EVX2: variants seen among roughly 807,000 people sequenced by gnomAD.
EVX2 encodes the protein homeobox even-skipped homolog protein 2.
A neutral mutation model predicts 19.2 loss-of-function variants in EVX2; 10 were observed. The observed-to-expected ratio is 0.52, with a 90% confidence interval of 0.32 to 0.89. The LOEUF (loss-of-function observed/expected upper bound fraction) is 0.89. Among genes scored for constraint, EVX2 ranks in the 40% least tolerant of loss-of-function variants. EVX2 has a pLI of 0.03. For synonymous variants in EVX2, 354 were observed against 328.4 expected (o/e 1.08, Z -0.84); for missense variants, 710 against 694.9 (o/e 1.02, Z -0.24).
At position 176,083,717 on chromosome 2, in the gene EVX2, C is replaced by T. The variant is rs61731351; in HGVS notation, c.60G>A (p.Thr20=). 6.2e-7 allele frequency: 1 copy of T among 1,613,896 alleles called. No homozygotes were observed. The highest frequency in any genetic ancestry group is 8.5e-7 in the Non-Finnish European group (1 of 1,180,004). The change falls in exon 1 of 3, where the codon ACG becomes ACA. Residue 20 remains threonine (T), a synonymous_variant. Transcript: ENST00000308618. The surrounding 1 kb of genome is among the most constrained non-coding windows in gnomAD (Gnocchi z 4.4). ...ILMERGLHSP[T]AGKRFSNLSN... ...ACAAATTGGAGAATCTCTTGCCCGC[C>T]GTAGGGCTGTGCAGCCCTCTCTCCA...
Position 176,080,822 on chromosome 2 carries a change from C to T in EVX2, c.716G>A (p.Arg239Gln), listed in dbSNP as rs984273502. The T allele has an allele frequency of 6.2e-7, 1 of 1,611,780 alleles. No individual in the cohort carries two copies. Among genetic ancestry groups the T allele is most frequent in the South Asian group, 1.1e-5 (1 of 90,918 alleles). The stretch of plus-strand genomic sequence containing the variant: ...GCGCTGCCGCTTGTCCTTCATGCGC[C>T]GGTTCTGGAACCACACCTGCGGGGA... ...ETTIKVWFQN[R>Q]RMKDKRQRLA... The change falls in exon 3 of 3, where the codon CGG (arginine) becomes CAG (glutamine). Residue 239 changes from arginine to glutamine, a missense_variant. Arg to Gln is a conservative substitution (Grantham distance 43, BLOSUM62 1). Transcript: ENST00000308618. This position sits in a 1 kb window ranked among gnomAD's most constrained non-coding sequence, Gnocchi z 7.0.
chr2:176,082,601 G>T lies in EVX2; in HGVS notation c.428-152C>A, dbSNP rs1465155950. ...ATGCTTACAAATTGCTGCCGTTAAT[G>T]GAATCAATAAAGTTTGGGGAGCCCT... On this transcript the variant is annotated intron_variant, in intron 1 of 2. Transcript: ENST00000308618. The surrounding 1 kb of genome is among the most constrained non-coding windows in gnomAD (Gnocchi z 5.2). The T allele has an allele frequency of 1.3e-6, 1 of 789,098 alleles. No homozygotes were observed. 48.9% of individuals were successfully genotyped at this position (789,098 alleles called of 1,614,324 possible).
chr2:176,080,943 C>A lies in EVX2; in HGVS notation c.700-105G>T. 1 of 1,391,106 alleles carries A rather than the reference C, an allele frequency of 7.2e-7. No individual in the cohort carries two copies. The highest frequency in any genetic ancestry group is 2.5e-5 in the East Asian group (1 of 39,982). 86.2% of individuals were successfully genotyped at this position (1,391,106 alleles called of 1,614,324 possible). On this transcript the variant is annotated intron_variant, in intron 2 of 2. Transcript: ENST00000308618. The surrounding 1 kb of genome is among the most constrained non-coding windows in gnomAD (Gnocchi z 7.0). ...CCGGACCTCTGAATGGCTTGGTCTA[C>A]TTCTCTCCGACCAAGCCCAACCCCG...
chr2:176,083,479 T>C lies in EVX2; in HGVS notation c.298A>G (p.Lys100Glu). 6.2e-7 allele frequency: 1 copy of C among 1,614,110 alleles called. No individual in the cohort carries two copies. The highest frequency in any genetic ancestry group is 1.1e-5 in the South Asian group (1 of 91,056). Residue 100 changes from lysine to glutamate, a missense_variant, in exon 1 of 3, where the codon AAG (lysine) becomes GAG (glutamate). By Grantham distance (56) the Lys-to-Glu change is moderately conservative. Coordinates refer to ENST00000308618, the MANE Select transcript of EVX2 (RefSeq NM_001080458.2). The surrounding 1 kb of genome is among the most constrained non-coding windows in gnomAD (Gnocchi z 4.4). ...GCCTCTGAATAATGGCCCGGCTTCT[T>C]GCGGCTCTCGGCGGCGGAGGAGATT... ...SEISSAAESR[K>E]KPGHYSEAAA...
Position 176,080,497 on chromosome 2 carries a change from G to C in EVX2, c.1041C>G (p.Pro347=). Residue 347 remains proline (P), a synonymous_variant, in exon 3 of 3, where the codon CCC becomes CCG. Transcript: ENST00000308618. The surrounding 1 kb of genome is among the most constrained non-coding windows in gnomAD (Gnocchi z 7.0). ...CGCTGTTGAGCCCCGCGGCGGCCGC[G>C]GGAGCCTGGTAGAGACCAGGGTGGC... ...SFRHPGLYQA[P]AAAAGLNSAA... is the part of the protein sequence containing the mutation. 7.4e-7 allele frequency: 1 copy of C among 1,357,074 alleles called. No homozygotes were observed. The highest frequency in any genetic ancestry group is 1.8e-5 in the South Asian group (1 of 55,670). The allele number at this position is 1,357,074 out of a possible 1,614,324, so 84.1% of individuals were successfully genotyped here. A position where few individuals can be genotyped will look rare whatever the true frequency, so the allele number is the denominator to read the frequency against.
chr2:176,081,274 C>A lies in EVX2; in HGVS notation c.700-436G>T, dbSNP rs948392074. On this transcript the variant is annotated intron_variant, in intron 2 of 2. Transcript: ENST00000308618. This position sits in a 1 kb window ranked among gnomAD's most constrained non-coding sequence, Gnocchi z 5.9. The stretch of plus-strand genomic sequence containing the variant: ...TTTCTGAGAGGTCGCCGCGCGAAGT[C>A]TTGAGCCCTCCGAACTGCAAGGACC... Among the ~76,000 whole-genome samples, 1 of 152,190 alleles carries A rather than the reference C, an allele frequency of 6.6e-6. No individual in the cohort carries two copies. The highest frequency in any genetic ancestry group is 2.4e-5 in the African/African-American group (1 of 41,456).
In EVX2 at chr2:176,080,127, C is replaced by T. The variant is rs770733421; in HGVS notation, c.1411G>A (p.Glu471Lys). 1.3e-6 allele frequency: 2 copies of T among 1,547,738 alleles called. No individual in the cohort carries two copies. The highest frequency in any genetic ancestry group is 1.4e-5 in the African/African-American group (1 of 70,346). Residue 471 changes from glutamate to lysine, a missense_variant, in exon 3 of 3, where the codon GAG (glutamate) becomes AAG (lysine). Physicochemically the swap from Glu to Lys is moderately conservative, Grantham distance 56. Coordinates refer to ENST00000308618, the MANE Select transcript of EVX2 (RefSeq NM_001080458.2). The surrounding 1 kb of genome is among the most constrained non-coding windows in gnomAD (Gnocchi z 7.0). ...CGTAGTTATCTGGTGAGCGGAGCCT[C>T]GTCCCTCTGGTCCGGCGGGCTCACG... is the stretch of plus-strand genomic sequence containing the variant. ...TAVSPPDQRD[E>K]APLTR
chr2:176,083,876 A>C lies in EVX2; in HGVS notation c.-100T>G. The C allele has an allele frequency of 2.8e-6, 3 of 1,084,512 alleles. No individual in the cohort carries two copies. Among genetic ancestry groups the C allele is most frequent in the Non-Finnish European group, 4.0e-6 (3 of 753,540 alleles). The allele number at this position is 1,084,512 out of a possible 1,614,324, so 67.2% of individuals were successfully genotyped here. A position where few individuals can be genotyped will look rare whatever the true frequency, so the allele number is the denominator to read the frequency against. The stretch of plus-strand genomic sequence containing the variant: ...CATTCAGCCCCAGCGAACGCCTCTA[A>C]ATATTATTATCGCTTTCGGAGGGAG... On this transcript the variant is annotated 5_prime_UTR_variant, in exon 1 of 3. The change creates a new upstream start codon in the 5' untranslated region. Transcript: ENST00000308618. The surrounding 1 kb of genome is among the most constrained non-coding windows in gnomAD (Gnocchi z 4.4).
chr2:176,080,810 T>C lies in EVX2; in HGVS notation c.728A>G (p.Asp243Gly), dbSNP rs766652738. Reference protein sequence around the residue: ...KVWFQNRRMKDKRQRLAMSWP... With the variant: ...KVWFQNRRMKGKRQRLAMSWP... ...GGACATGGCCAGGCGCTGCCGCTTG[T>C]CCTTCATGCGCCGGTTCTGGAACCA... The change falls in exon 3 of 3, where the codon GAC (aspartate) becomes GGC (glycine). Residue 243 changes from aspartate to glycine, a missense_variant. Coordinates refer to ENST00000308618, the MANE Select transcript of EVX2 (RefSeq NM_001080458.2). The surrounding 1 kb of genome is among the most constrained non-coding windows in gnomAD (Gnocchi z 7.0). 1.6e-5 allele frequency: 25 copies of C among 1,612,212 alleles called. No homozygotes were observed. Among genetic ancestry groups the C allele is most frequent in the Non-Finnish European group, 1.9e-5 (23 of 1,179,672 alleles).
chr2:176,082,433 G>A lies in EVX2; in HGVS notation c.444C>T (p.Gly148=). 1 of 1,571,242 alleles carries A rather than the reference G, an allele frequency of 6.4e-7. No individual in the cohort carries two copies. The highest frequency in any genetic ancestry group is 8.6e-7 in the Non-Finnish European group (1 of 1,161,636). ...CCGACGTCGTGGTGCCGGCAGCCGA[G>A]CCGCTCTCTGCGTACCCTGGCAAAC... ...ENNGKGYAES[G]SAAGTTTSAS... Residue 148 remains glycine, a synonymous_variant, in exon 2 of 3, where the codon GGC becomes GGT. Transcript: ENST00000308618. This position sits in a 1 kb window ranked among gnomAD's most constrained non-coding sequence, Gnocchi z 5.2.
rs1162578063 is a variant in EVX2 at position 176,082,960 on chromosome 2, GC to G, written c.427+389del. Among the ~76,000 whole-genome samples, 1 of 152,206 alleles carries G rather than the reference GC, an allele frequency of 6.6e-6. No homozygotes were observed. The highest frequency in any genetic ancestry group is 2.4e-5 in the African/African-American group (1 of 41,462). Reference sequence around the variant, plus strand: ...CTTCCTCCGACTTACCCAGAAGAATGCCCCCTCCAGCCCTGAGGGCACAGGG... The same window carrying G: ...CTTCCTCCGACTTACCCAGAAGAATGCCCCTCCAGCCCTGAGGGCACAGGG... On this transcript the variant is annotated intron_variant, in intron 1 of 2. Transcript: ENST00000308618. This position sits in a 1 kb window ranked among gnomAD's most constrained non-coding sequence, Gnocchi z 5.2.
rs745611098 is a variant in EVX2, at chr2:176,083,859, C to G, written c.-83G>C. ...CGCCTAGGGCTAATTCTCATTCAGCCCCAGCGAACGCCTCTAAATATTATT... is the reference window on the plus strand; with the variant it reads ...CGCCTAGGGCTAATTCTCATTCAGCGCCAGCGAACGCCTCTAAATATTATT... On this transcript the variant is annotated 5_prime_UTR_variant, in exon 1 of 3. Coordinates refer to ENST00000308618, the MANE Select transcript of EVX2 (RefSeq NM_001080458.2). The surrounding 1 kb of genome is among the most constrained non-coding windows in gnomAD (Gnocchi z 4.4). 5.8e-6 allele frequency: 7 copies of G among 1,215,722 alleles called. No individual in the cohort carries two copies. The highest frequency in any genetic ancestry group is 6.9e-6 in the Non-Finnish European group (6 of 865,494). The allele number at this position is 1,215,722 out of a possible 1,614,324, so 75.3% of individuals were successfully genotyped here.
In EVX2 at chr2:176,080,450, G is replaced by A; in HGVS notation, c.1088C>T (p.Ala363Val). Residue 363 changes from alanine to valine, a missense_variant, in exon 3 of 3, where the codon GCG becomes GTG. Ala to Val is a moderately conservative substitution (Grantham distance 64). Coordinates refer to ENST00000308618, the MANE Select transcript of EVX2 (RefSeq NM_001080458.2). The surrounding 1 kb of genome is among the most constrained non-coding windows in gnomAD (Gnocchi z 7.0). ...LNSAASAAAAAAAAAAAASSA... is the reference protein window; with the variant it reads ...LNSAASAAAAVAAAAAAASSA... ...GGAGGCCGCAGCCGCTGCGGCTGCC[G>A]CGGCTGCCGCGGCAGAGGCCGCGCT... 8.6e-7 allele frequency: 1 copy of A among 1,167,978 alleles called. No individual in the cohort carries two copies. Among genetic ancestry groups the A allele is most frequent in the East Asian group, 3.7e-5 (1 of 26,798 alleles). 72.4% of individuals were successfully genotyped at this position (1,167,978 alleles called of 1,614,324 possible).
Position 176,080,253 on chromosome 2 carries a change from C to G in EVX2, c.1285G>C (p.Ala429Pro). The G allele has an allele frequency of 7.5e-7, 1 of 1,328,572 alleles. No homozygotes were observed. The highest frequency in any genetic ancestry group is 1.9e-5 in the South Asian group (1 of 52,878). 82.3% of individuals were successfully genotyped at this position (1,328,572 alleles called of 1,614,324 possible). A position where few individuals can be genotyped will look rare whatever the true frequency, so the allele number is the denominator to read the frequency against. The change falls in exon 3 of 3, where the codon GCC (alanine) becomes CCC (proline). Residue 429 changes from alanine to proline, a missense_variant. Transcript: ENST00000308618. This position sits in a 1 kb window ranked among gnomAD's most constrained non-coding sequence, Gnocchi z 7.0. ...AAGTCCGAGCCTCCCCCGGCCCCGG[C>G]GCCCCCGCCGCCGCCGCCACCACCA... is the stretch of plus-strand genomic sequence containing the variant. ...GGGGGGGGGG[A>P]GAGGGSDFGC... is the part of the protein sequence containing the mutation.
Position 176,077,856 on chromosome 2 carries a change from TATATTA to T in EVX2, c.*2245_*2250del, listed in dbSNP as rs1175924068. ...GTTTATTTTATTTAGCCTTAAATTA[TATATTA>T]ATATTTTTAAAAATGTAAACTCAGT... On this transcript the variant is annotated 3_prime_UTR_variant, in exon 3 of 3. Transcript: ENST00000308618. The T allele has an allele frequency of 6.6e-6, 1 of 152,268 alleles. No homozygotes were observed. The highest frequency in any genetic ancestry group is 1.5e-5 in the Non-Finnish European group (1 of 68,012). 9.4% of individuals were successfully genotyped at this position (152,268 alleles called of 1,614,324 possible). A position where few individuals can be genotyped will look rare whatever the true frequency, so the allele number is the denominator to read the frequency against.
Position 176,079,998 on chromosome 2 carries a change from T to TGGCGGC in EVX2, c.*103_*108dup. On this transcript the variant is annotated 3_prime_UTR_variant, in exon 3 of 3. Coordinates refer to ENST00000308618, the MANE Select transcript of EVX2 (RefSeq NM_001080458.2). The surrounding 1 kb of genome is among the most constrained non-coding windows in gnomAD (Gnocchi z 4.4). Reference sequence around the variant, plus strand: ...GCCTCCCGCGCCCCGGGGCGCCCCCTGGCGGCAGCGGCAGCAGCGGGCAAC... The same window carrying TGGCGGC: ...GCCTCCCGCGCCCCGGGGCGCCCCCTGGCGGCGGCGGCAGCGGCAGCAGCGGGCAAC... 4 of 1,236,842 alleles carry TGGCGGC rather than the reference T, an allele frequency of 3.2e-6. No homozygotes were observed. The highest frequency in any genetic ancestry group is 4.1e-6 in the Non-Finnish European group (4 of 971,510). The allele number at this position is 1,236,842 out of a possible 1,614,324, so 76.6% of individuals were successfully genotyped here.
chr2:176,082,321 C>T lies in EVX2; in HGVS notation c.556G>A (p.Asp186Asn). 6.3e-7 allele frequency: 1 copy of T among 1,597,484 alleles called. No individual in the cohort carries two copies. Among genetic ancestry groups the T allele is most frequent in the Non-Finnish European group, 8.5e-7 (1 of 1,176,846 alleles). The change falls in exon 2 of 3, where the codon GAT (aspartate) becomes AAT (asparagine). Residue 186 changes from aspartate to asparagine, a missense_variant. By Grantham distance (23) the Asp-to-Asn change is conservative. Coordinates refer to ENST00000308618, the MANE Select transcript of EVX2 (RefSeq NM_001080458.2). The surrounding 1 kb of genome is among the most constrained non-coding windows in gnomAD (Gnocchi z 5.2). ...GCCGTACGGTAGCGCCGCACTTGAT[C>T]CGCGCCAGAGCCGGAGCCACCCAGC... ...AALGGSGSGA[D>N]QVRRYRTAFT...
Position 176,081,057 on chromosome 2 carries a change from C to A in EVX2, c.700-219G>T, listed in dbSNP as rs1303044378. 2.6e-5 allele frequency among the ~76,000 whole-genome samples: 4 copies of A among 152,180 alleles called. No individual in the cohort carries two copies. The highest frequency in any genetic ancestry group is 6.5e-5 in the Admixed American group (1 of 15,288). ...CCGTCCTCAACGAAGAGGGTCCTCT[C>A]CCCCGCGTCCGGCTGCTGCTGCTCC... On this transcript the variant is annotated intron_variant, in intron 2 of 2. Transcript: ENST00000308618. This position sits in a 1 kb window ranked among gnomAD's most constrained non-coding sequence, Gnocchi z 5.9.
In EVX2 at chr2:176,080,642, G is replaced by T; in HGVS notation, c.896C>A (p.Ala299Asp). The T allele has an allele frequency of 6.4e-7, 1 of 1,560,390 alleles. No individual in the cohort carries two copies. ...CGCGGCCGCCGCGCCTGAGGCTGCA[G>T]CCGCGGCCGCCGCCGCCGTGACGCC... ...HVGVTAAAAA[A>D]AASGAAAAAS... Residue 299 changes from alanine to aspartate, a missense_variant, in exon 3 of 3, where the codon GCT becomes GAT. Physicochemically the swap from Ala to Asp is moderately radical, Grantham distance 126 (BLOSUM62 -2). Coordinates refer to ENST00000308618, the MANE Select transcript of EVX2 (RefSeq NM_001080458.2). This position sits in a 1 kb window ranked among gnomAD's most constrained non-coding sequence, Gnocchi z 7.0.
Sources: allele counts gnomAD v4.1 joint callset (sites outside exome capture counted in the v4.1 genomes callset), GRCh38; gene constraint gnomAD v4.1.1; non-coding constraint Gnocchi (gnomAD v3.1); transcripts MANE v1.5; gene names NCBI Gene and HGNC (gene_info 2026-07-23, HGNC 2026-07-21).